The following FOXC2 variants were observed in gnomAD, a reference collection of about 807,000 sequenced individuals.
FOXC2 encodes forkhead box C2.
FOXC2 carries 7 observed loss-of-function variants against 7.2 expected under a neutral mutation model. That is an observed-to-expected ratio of 0.97 (90% confidence interval 0.55 to 1.81). The LOEUF (loss-of-function observed/expected upper bound fraction) is 1.81. Ranked by LOEUF, FOXC2 falls within the 40% of genes most tolerant of loss-of-function variation. The probability of loss-of-function intolerance (pLI) is 0.00; values close to 1 mark genes in which losing one functional copy is unlikely to be tolerated. For synonymous variants in FOXC2, 436 were observed against 350.4 expected, an observed-to-expected ratio of 1.24 and a Z score of -2.73; for missense variants, 846 against 741.2, an observed-to-expected ratio of 1.14 and a Z score of -1.64.
In FOXC2 at chr16:86,568,812, C is replaced by T. The variant is rs773245007; in HGVS notation, c.1477C>T (p.Pro493Ser). 2 of 1,612,938 alleles carry T rather than the reference C, an allele frequency of 1.2e-6. No homozygotes were observed. ...GCCGCCTCTCTATCGCCACGCAGCC[C>T]CCTACTCCTACGACTGCACGAAATA... Reference protein sequence around the residue: ...STPPLYRHAAPYSYDCTKY With the variant: ...STPPLYRHAASYSYDCTKY The change falls in exon 1 of 1, where the codon CCC (proline) becomes TCC (serine). Residue 493 changes from proline (P) to serine (S), a missense_variant. This residue lies in a region of FOXC2 where 640 missense variants were observed against 503.2 expected (regional missense o/e 1.27). Coordinates refer to ENST00000649859, the MANE Select transcript of FOXC2 (RefSeq NM_005251.3). The surrounding 1 kb of genome is among the most constrained non-coding windows in gnomAD (Gnocchi z 5.2).
rs2144018588 is a variant in FOXC2 at position 86,567,590 on chromosome 16, C to T, written c.255C>T (p.Ile85=). 4 of 1,614,120 alleles carry T rather than the reference C, an allele frequency of 2.5e-6. No homozygotes were observed. The South Asian group carries it at 3.3e-5, about 13-fold the overall frequency. ...YSYIALITMA[I]QNAPEKKITL... ...ACATCGCGCTCATCACCATGGCCAT[C>T]CAGAACGCGCCCGAGAAGAAGATCA... Residue 85 remains isoleucine, a synonymous_variant, in exon 1 of 1, where the codon ATC becomes ATT. Transcript: ENST00000649859.
chr16:86,568,365 C>A lies in FOXC2; in HGVS notation c.1030C>A (p.Arg344=), dbSNP rs1248822238. Residue 344 remains arginine, a synonymous_variant, in exon 1 of 1, where the codon CGG becomes AGG. Transcript: ENST00000649859. This position sits in a 1 kb window ranked among gnomAD's most constrained non-coding sequence, Gnocchi z 5.2. ...RAMSLYTGAE[R]PAHMCVPPAL... ...GATGAGCCTGTACACCGGGGCCGAG[C>A]GGCCGGCGCACATGTGCGTCCCGCC... The A allele has an allele frequency of 2.9e-6, 4 of 1,374,106 alleles. No homozygotes were observed. In the South Asian group the frequency reaches 4.8e-5, roughly 16 times the overall value. 85.1% of individuals were successfully genotyped at this position (1,374,106 alleles called of 1,614,324 possible).
Position 86,567,866 on chromosome 16 carries a change from G to A in FOXC2, c.531G>A (p.Lys177=), listed in dbSNP as rs1466498639. The A allele has an allele frequency of 1.2e-6, 2 of 1,611,500 alleles. No homozygotes were observed. Among genetic ancestry groups the A allele is most frequent in the Middle Eastern group, 1.7e-4 (1 of 5,964 alleles). ...AAAAGAAGGACGTGTCCAAGGAGAAGGAGGAGCGGGCCCACCTCAAGGAGC... is the reference window on the plus strand; with the variant it reads ...AAAAGAAGGACGTGTCCAAGGAGAAAGAGGAGCGGGCCCACCTCAAGGAGC... ...RFKKKDVSKE[K]EERAHLKEPP... Residue 177 remains lysine (K), a synonymous_variant, in exon 1 of 1, where the codon AAG becomes AAA. Coordinates refer to ENST00000649859, the MANE Select transcript of FOXC2 (RefSeq NM_005251.3).
Position 86,568,437 on chromosome 16 carries a change from C to G in FOXC2, c.1102C>G (p.Pro368Ala). ...GGACCACCCGAGCGGCCCCACGTCG[C>G]CCCTGAGCGCTCTCAACCTCGCCGC... is the stretch of plus-strand genomic sequence containing the variant. ...LSDHPSGPTS[P>A]LSALNLAAGQ... Residue 368 changes from proline to alanine, a missense_variant, in exon 1 of 1, where the codon CCC (proline) becomes GCC (alanine). Physicochemically the swap from Pro to Ala is conservative, Grantham distance 27. Coordinates refer to ENST00000649859, the MANE Select transcript of FOXC2 (RefSeq NM_005251.3). The surrounding 1 kb of genome is among the most constrained non-coding windows in gnomAD (Gnocchi z 5.2). 7.3e-7 allele frequency: 1 copy of G among 1,376,636 alleles called. No homozygotes were observed. Among genetic ancestry groups the G allele is most frequent in the Non-Finnish European group, 9.5e-7 (1 of 1,058,080 alleles). 85.3% of individuals were successfully genotyped at this position (1,376,636 alleles called of 1,614,324 possible).
chr16:86,568,595 G>A lies in FOXC2; in HGVS notation c.1260G>A (p.Gln420=), dbSNP rs755810324. 5.6e-6 allele frequency: 9 copies of A among 1,606,752 alleles called. No homozygotes were observed. In the South Asian group the frequency reaches 9.9e-5, roughly 18 times the overall value. The change falls in exon 1 of 1, where the codon CAG becomes CAA. Residue 420 remains glutamine (Q), a synonymous_variant. Coordinates refer to ENST00000649859, the MANE Select transcript of FOXC2 (RefSeq NM_005251.3). The surrounding 1 kb of genome is among the most constrained non-coding windows in gnomAD (Gnocchi z 5.2). Reference sequence around the variant, plus strand: ...CGCAGCCCGGGGCCGCCGCGGCGCAGGCGGCCTCCTGGTATCTCAACCACA... The same window carrying A: ...CGCAGCCCGGGGCCGCCGCGGCGCAAGCGGCCTCCTGGTATCTCAACCACA... The part of the protein sequence containing the change: ...PTPQPGAAAA[Q]AASWYLNHSG...
In FOXC2 at chr16:86,568,580, G is replaced by C. The variant is rs1180906651; in HGVS notation, c.1245G>C (p.Gly415=). The part of the protein sequence containing the change: ...APQPQPTPQP[G]AAAAQAASWY... ...AGCCCCAGCCGACGCCGCAGCCCGG[G>C]GCCGCCGCGGCGCAGGCGGCCTCCT... The change falls in exon 1 of 1, where the codon GGG becomes GGC. Residue 415 remains glycine, a synonymous_variant. Coordinates refer to ENST00000649859, the MANE Select transcript of FOXC2 (RefSeq NM_005251.3). The surrounding 1 kb of genome is among the most constrained non-coding windows in gnomAD (Gnocchi z 5.2). 2.5e-6 allele frequency: 4 copies of C among 1,593,242 alleles called. No individual in the cohort carries two copies. Among genetic ancestry groups the C allele is most frequent in the Non-Finnish European group, 8.5e-7 (1 of 1,170,800 alleles).
At position 86,567,761 on chromosome 16, in the gene FOXC2, G is replaced by A. The variant is rs41312258; in HGVS notation, c.426G>A (p.Lys142=). Residue 142 remains lysine (K), a synonymous_variant, in exon 1 of 1, where the codon AAG becomes AAA. Coordinates refer to ENST00000649859, the MANE Select transcript of FOXC2 (RefSeq NM_005251.3). ...CCCGCGACGACAAGAAGCCCGGCAA[G>A]GGCAGTTACTGGACCCTGGACCCGG... ...KVPRDDKKPG[K]GSYWTLDPDS... 4.2e-3 allele frequency: 6,823 copies of A among 1,614,176 alleles called. 34 individuals are homozygous for A. Among genetic ancestry groups the A allele is most frequent in the South Asian group, 0.016 (1,492 of 91,080 alleles).
rs766657792 is a variant in FOXC2 at position 86,567,322 on chromosome 16, G to A, written c.-14G>A. 4 of 1,612,406 alleles carry A rather than the reference G, an allele frequency of 2.5e-6. No homozygotes were observed. The South Asian group carries it at 4.4e-5, about 18-fold the overall frequency. On this transcript the variant is annotated 5_prime_UTR_variant, in exon 1 of 1. Transcript: ENST00000649859. ...CCGTGCGCGAGGGCGCCGGCGAGCCGTCTCGGAAGCAGCATGCAGGCGCGC... is the reference window on the plus strand; with the variant it reads ...CCGTGCGCGAGGGCGCCGGCGAGCCATCTCGGAAGCAGCATGCAGGCGCGC...
chr16:86,567,233 C>G lies in FOXC2; in HGVS notation c.-103C>G. 2.9e-6 allele frequency: 4 copies of G among 1,377,484 alleles called. No homozygotes were observed. The highest frequency in any genetic ancestry group is 4.0e-6 in the Non-Finnish European group (4 of 996,528). 85.3% of individuals were successfully genotyped at this position (1,377,484 alleles called of 1,614,324 possible). On this transcript the variant is annotated 5_prime_UTR_variant, in exon 1 of 1. Transcript: ENST00000649859. ...GGGCCGCCCCTCCCGCTCCCCTCCT[C>G]TCCCCCTCTGGCTCTCTCGCGCTCT...
In FOXC2 at chr16:86,567,341, G is replaced by A. The variant is rs1159256948; in HGVS notation, c.6G>A (p.Gln2=). The A allele has an allele frequency of 6.2e-6, 10 of 1,612,734 alleles. No homozygotes were observed. Among genetic ancestry groups the A allele is most frequent in the Admixed American group, 1.7e-5 (1 of 59,996 alleles). The change falls in exon 1 of 1, where the codon CAG becomes CAA. Residue 2 remains glutamine, a synonymous_variant. Transcript: ENST00000649859. ...CGAGCCGTCTCGGAAGCAGCATGCA[G>A]GCGCGCTACTCCGTGTCCGACCCCA... M[Q]ARYSVSDPNA...
chr16:86,568,936 G>C lies in FOXC2; in HGVS notation c.*95G>C. On this transcript the variant is annotated 3_prime_UTR_variant, in exon 1 of 1. Transcript: ENST00000649859. This position sits in a 1 kb window ranked among gnomAD's most constrained non-coding sequence, Gnocchi z 5.2. ...TAAGGGGCTGCAGAGACGCAAAAAAGAAACAAAACATGTCCACCAACCTTT... is the reference window on the plus strand; with the variant it reads ...TAAGGGGCTGCAGAGACGCAAAAAACAAACAAAACATGTCCACCAACCTTT... The C allele has an allele frequency of 6.6e-7, 1 of 1,519,242 alleles. No homozygotes were observed. Among genetic ancestry groups the C allele is most frequent in the Non-Finnish European group, 9.0e-7 (1 of 1,113,124 alleles). The allele number at this position is 1,519,242 out of a possible 1,614,324, so 94.1% of individuals were successfully genotyped here.
At position 86,568,524 on chromosome 16, in the gene FOXC2, C is replaced by G; in HGVS notation, c.1189C>G (p.Pro397Ala). Residue 397 changes from proline (P) to alanine (A), a missense_variant, in exon 1 of 1, where the codon CCG (proline) becomes GCG (alanine). This residue lies in a region of FOXC2 where 640 missense variants were observed against 503.2 expected (regional missense o/e 1.27). Transcript: ENST00000649859. This position sits in a 1 kb window ranked among gnomAD's most constrained non-coding sequence, Gnocchi z 5.2. ...HHHQHHGHHH[P>A]QAPPPPPAPQ... Reference sequence around the variant, plus strand: ...CCACCAGCACCACGGCCACCACCACCCGCAGGCGCCGCCGCCCCCGCCGGC... The same window carrying G: ...CCACCAGCACCACGGCCACCACCACGCGCAGGCGCCGCCGCCCCCGCCGGC... The G allele has an allele frequency of 7.8e-7, 1 of 1,281,368 alleles. No individual in the cohort carries two copies. The highest frequency in any genetic ancestry group is 9.8e-7 in the Non-Finnish European group (1 of 1,015,336). The allele number at this position is 1,281,368 out of a possible 1,614,324, so 79.4% of individuals were successfully genotyped here.
chr16:86,568,480 T>C lies in FOXC2; in HGVS notation c.1145T>C (p.Leu382Pro), dbSNP rs1340575651. 2 of 1,303,542 alleles carry C rather than the reference T, an allele frequency of 1.5e-6. No homozygotes were observed. The highest frequency in any genetic ancestry group is 2.0e-6 in the Non-Finnish European group (2 of 1,022,494). The allele number at this position is 1,303,542 out of a possible 1,614,324, so 80.7% of individuals were successfully genotyped here. Reference protein sequence around the residue: ...LNLAAGQEGALAATGHHHQHH... With the variant: ...LNLAAGQEGAPAATGHHHQHH... ...CTCGCCGCCGGCCAGGAGGGCGCGC[T>C]CGCCGCCACGGGCCACCACCACCAG... The change falls in exon 1 of 1, where the codon CTC (leucine) becomes CCC (proline). Residue 382 changes from leucine (L) to proline (P), a missense_variant. This residue lies in a region of FOXC2 where 640 missense variants were observed against 503.2 expected (regional missense o/e 1.27). Transcript: ENST00000649859. This position sits in a 1 kb window ranked among gnomAD's most constrained non-coding sequence, Gnocchi z 5.2.
chr16:86,567,555 C>T lies in FOXC2; in HGVS notation c.220C>T (p.Pro74Ser). ...PAAPKDLVKP[P>S]YSYIALITMA... Reference sequence around the variant, plus strand: ...GGCGCCTAAGGACCTGGTGAAGCCGCCCTACAGCTACATCGCGCTCATCAC... The same window carrying T: ...GGCGCCTAAGGACCTGGTGAAGCCGTCCTACAGCTACATCGCGCTCATCAC... Residue 74 changes from proline (P) to serine (S), a missense_variant, in exon 1 of 1, where the codon CCC (proline) becomes TCC (serine). Pro to Ser is a moderately conservative substitution (Grantham distance 74). Transcript: ENST00000649859. 1 of 1,613,940 alleles carries T rather than the reference C, an allele frequency of 6.2e-7. No individual in the cohort carries two copies. The highest frequency in any genetic ancestry group is 2.2e-5 in the East Asian group (1 of 44,812).
chr16:86,568,829 C>T lies in FOXC2; in HGVS notation c.1494C>T (p.Cys498=). 5 of 1,612,858 alleles carry T rather than the reference C, an allele frequency of 3.1e-6. No homozygotes were observed. Among genetic ancestry groups the T allele is most frequent in the African/African-American group, 1.3e-5 (1 of 75,026 alleles). ...ACGCAGCCCCCTACTCCTACGACTG[C>T]ACGAAATACTGACGTGTCCCGGGAC... ...YRHAAPYSYD[C]TKY Residue 498 remains cysteine (C), a synonymous_variant, in exon 1 of 1, where the codon TGC becomes TGT. Coordinates refer to ENST00000649859, the MANE Select transcript of FOXC2 (RefSeq NM_005251.3). The surrounding 1 kb of genome is among the most constrained non-coding windows in gnomAD (Gnocchi z 5.2).
chr16:86,569,552 C>T lies in FOXC2; in HGVS notation c.*711C>T, dbSNP rs1974253293. On this transcript the variant is annotated 3_prime_UTR_variant, in exon 1 of 1. Coordinates refer to ENST00000649859, the MANE Select transcript of FOXC2 (RefSeq NM_005251.3). The stretch of plus-strand genomic sequence containing the variant: ...GTTGGTGGATAAAGAAGTCAAGTAT[C>T]TGATACTTTTTATTTACAAAGTGTG... The T allele has an allele frequency of 6.1e-6, 1 of 164,918 alleles. No homozygotes were observed. Among genetic ancestry groups the T allele is most frequent in the African/African-American group, 2.5e-5 (1 of 40,756 alleles). The allele number at this position is 164,918 out of a possible 1,614,324, so 10.2% of individuals were successfully genotyped here. A position where few individuals can be genotyped will look rare whatever the true frequency, so the allele number is the denominator to read the frequency against.
In FOXC2 at chr16:86,569,320, T is replaced by TTTG. The variant is rs546339644; in HGVS notation, c.*497_*499dup. 815 of 177,240 alleles carry TTTG rather than the reference T, an allele frequency of 4.6e-3. 2 individuals are homozygous for TTTG. The highest frequency in any genetic ancestry group is 0.018 in the African/African-American group (744 of 41,716). 11.0% of individuals were successfully genotyped at this position (177,240 alleles called of 1,614,324 possible). ...ATGTGTGGATTTGTAATCAGGCTATTTTGTTGTTGTTGTTGTTGTTCAGAG... is the reference window on the plus strand; with the variant it reads ...ATGTGTGGATTTGTAATCAGGCTATTTTGTTGTTGTTGTTGTTGTTGTTCAGAG... On this transcript the variant is annotated 3_prime_UTR_variant, in exon 1 of 1. Transcript: ENST00000649859.
rs988064159 is a variant in FOXC2, at chr16:86,567,272, C to T, written c.-64C>T. 1.0e-5 allele frequency: 16 copies of T among 1,586,034 alleles called. No individual in the cohort carries two copies. The highest frequency in any genetic ancestry group is 5.1e-5 in the Admixed American group (3 of 59,184). ...CTCTCGCGCTCTCTCGCTCTCAGGGCCCCCCTCGCTCCCCCGGCCGCAGTC... is the reference window on the plus strand; with the variant it reads ...CTCTCGCGCTCTCTCGCTCTCAGGGTCCCCCTCGCTCCCCCGGCCGCAGTC... On this transcript the variant is annotated 5_prime_UTR_variant, in exon 1 of 1. Transcript: ENST00000649859.
rs966283073 is a variant in FOXC2 at position 86,567,274 on chromosome 16, C to T, written c.-62C>T. 6.3e-7 allele frequency: 1 copy of T among 1,596,236 alleles called. No individual in the cohort carries two copies. The highest frequency in any genetic ancestry group is 1.3e-5 in the African/African-American group (1 of 74,688). ...CTCGCGCTCTCTCGCTCTCAGGGCC[C>T]CCCTCGCTCCCCCGGCCGCAGTCCG... is the stretch of plus-strand genomic sequence containing the variant. On this transcript the variant is annotated 5_prime_UTR_variant, in exon 1 of 1. Transcript: ENST00000649859.
Sources: allele counts gnomAD v4.1 joint callset, GRCh38; gene constraint gnomAD v4.1.1; regional missense constraint gnomAD v4.1.1; non-coding constraint Gnocchi (gnomAD v3.1); transcripts MANE v1.5; gene names NCBI Gene and HGNC (gene_info 2026-07-23, HGNC 2026-07-21).